The following ANO10 variants were observed in gnomAD, a reference collection of about 807,000 sequenced individuals.
ANO10 encodes anoctamin 10.
In ANO10, 77 loss-of-function variants were observed where a neutral mutation model predicts 74.7. That is an observed-to-expected ratio of 1.03 (90% CI 0.86 to 1.25). The LOEUF (loss-of-function observed/expected upper bound fraction) is 1.25, where lower values mean the gene tolerates loss of function less well. Among genes scored for constraint, ANO10 ranks in the 50% most tolerant of loss-of-function variants. The probability of loss-of-function intolerance (pLI) is 0.00; values close to 1 mark genes in which losing one functional copy is unlikely to be tolerated. For synonymous variants in ANO10, 279 were observed against 284.9 expected, an observed-to-expected ratio of 0.98 and a Z score of 0.21; for missense variants, 721 against 778.1, an observed-to-expected ratio of 0.93 and a Z score of 0.87.
intron 11 of ANO10, among the ~76,000 whole-genome samples, chr3:43,479,545 G>A (rs568063133): frequency 2.6e-5 from 4 of 152,258 alleles, no homozygotes; most frequent in African/African-American, 9.6e-5. Context: ...TTTTTGAAAG[G>A]AAGGAAAGGA....
At chr3:43,672,095 T>C (rs2084066204) in intron 1 of ANO10, among the ~76,000 whole-genome samples, 1 of 152,204 alleles carries the variant, frequency 6.6e-6, no homozygotes, top group African/African-American at 2.4e-5. Context: ...GCTGGGAATG[T>C]CTAATCCATT....
At chr3:43,658,369 A>G (rs879772270) in intron 1 of ANO10, among the ~76,000 whole-genome samples, 4 of 152,222 alleles carry the variant, frequency 2.6e-5, no homozygotes, top group Admixed American at 2.6e-4. Flanking sequence ...ATAATGGGAT[A>G]TTCTACAGCA....
intron 4 of ANO10, among the ~76,000 whole-genome samples, chr3:43,592,215 T>G (rs2081811950): frequency 6.6e-6 from 1 of 152,160 alleles, no homozygotes; most frequent in Non-Finnish European, 1.5e-5. Flanking sequence ...TCTGCAGACT[T>G]AAACGTCCCT....
At chr3:43,553,053 C>A (rs2079558391) in intron 10 of ANO10, among the ~76,000 whole-genome samples, 1 of 152,122 alleles carries the variant, frequency 6.6e-6, no homozygotes, top group South Asian at 2.1e-4. Context: ...CTCAGCCTCC[C>A]AAAGTGCTGG....
intron 11 of ANO10, among the ~76,000 whole-genome samples, chr3:43,442,413 A>T (rs2093174288): frequency 6.6e-6 from 1 of 152,170 alleles, no homozygotes; most frequent in African/African-American, 2.4e-5. Context: ...GGAAATTGAG[A>T]ACTCAATCAT....
At position 43,615,739 on chromosome 3, in the gene ANO10, C is replaced by T. The variant is rs551503250; in HGVS notation, c.-12+6170G>A. The stretch of plus-strand genomic sequence containing the variant: ...CGCAATCTCGGCTCACTGCAACCTC[C>T]GCCTCCTGGGTTCAAGCGATTCTCC... On this transcript the variant is annotated intron_variant, in intron 1 of 12. Transcript: ENST00000292246. Among the ~76,000 whole-genome samples the T allele has an allele frequency of 3.3e-5, 5 of 151,872 alleles. No individual in the cohort carries two copies. The East Asian group carries it at 7.8e-4, about 24-fold the overall frequency.
intron 11 of ANO10, chr3:43,485,592 C>T: frequency 4.6e-6 from 1 of 215,572 alleles, no homozygotes; most frequent in Non-Finnish European, 9.3e-6. Context: ...AGCAGCCCGC[C>T]ACCATCTTGG....
In ANO10 at chr3:43,593,396, C is replaced by CTA. The variant is rs1290160196; in HGVS notation, c.472+5134_472+5135dup. ...TACCCACAAAGGGAAGTCCATCAGA[C>CTA]TAACAGCAGATCTCTCAGCAGAAAC... On this transcript the variant is annotated intron_variant, in intron 4 of 12. Transcript: ENST00000292246. 2.6e-5 allele frequency among the ~76,000 whole-genome samples: 4 copies of CTA among 152,228 alleles called. No individual in the cohort carries two copies. The East Asian group carries it at 7.7e-4, about 29-fold the overall frequency.
intron 12 of ANO10, among the ~76,000 whole-genome samples, chr3:43,420,755 C>T (rs184930819): frequency 6.6e-6 from 1 of 152,232 alleles, no homozygotes; most frequent in Non-Finnish European, 1.5e-5. Flanking sequence ...TGAAAAAAGG[C>T]ACAAAGGGAT....
chr3:43,457,763 T>C (rs1432788039), intron 11 of ANO10, among the ~76,000 whole-genome samples: 1 of 152,190 alleles, frequency 6.6e-6, no homozygotes, highest in African/African-American at 2.4e-5. Flanking sequence ...CTTTCTAAAA[T>C]AAAATGAACT....
At chr3:43,616,581 C>G (rs11130006) in intron 1 of ANO10, among the ~76,000 whole-genome samples, 118,216 of 152,072 alleles carry the variant, frequency 0.78, 46,494 homozygotes, top group East Asian at 0.89. Flanking sequence ...TTTTTTAGTG[C>G]AAGCTGGTAA....
At chr3:43,442,392 C>A (rs188331148) in intron 11 of ANO10, among the ~76,000 whole-genome samples, 2 of 151,654 alleles carry the variant, frequency 1.3e-5, no homozygotes, top group African/African-American at 4.8e-5. Flanking sequence ...TAACAATGAA[C>A]AATTTGAAAA....
At chr3:43,561,470 T>C (rs1429869079) in intron 8 of ANO10, 68 bp from the exon 9 acceptor site, 1 of 1,355,672 alleles carries the variant, frequency 7.4e-7, no homozygotes, top group African/African-American at 1.5e-5. Flanking sequence ...TTGTATAAAT[T>C]ATATATAAAT....
chr3:43,592,187 C>A (rs1347285138), intron 4 of ANO10, among the ~76,000 whole-genome samples: 1 of 152,332 alleles, frequency 6.6e-6, no homozygotes, highest in African/African-American at 2.4e-5. Flanking sequence ...CATAGCTGAA[C>A]AAAAGGCAGC....
intron 11 of ANO10, among the ~76,000 whole-genome samples, chr3:43,530,791 T>C (rs1378577624): frequency 2.6e-5 from 4 of 152,208 alleles, no homozygotes; most frequent in Non-Finnish European, 4.4e-5. Context: ...GAAAAAACAG[T>C]GTATACAGGG....
intron 1 of ANO10, among the ~76,000 whole-genome samples, chr3:43,635,967 A>G (rs773589230): frequency 2.6e-4 from 40 of 152,116 alleles, no homozygotes; most frequent in Admixed American, 9.2e-4. Context: ...AGACGTTAGC[A>G]TTTTTATATG....
chr3:43,648,620 A>G (rs912809852), intron 1 of ANO10, among the ~76,000 whole-genome samples: 4 of 146,340 alleles, frequency 2.7e-5, no homozygotes, highest in Non-Finnish European at 6.0e-5. Flanking sequence ...GGTGAGGGTG[A>G]TCGATCGGAG....
chr3:43,371,988 G>C (rs2091629040), intron 12 of ANO10, among the ~76,000 whole-genome samples: 1 of 152,252 alleles, frequency 6.6e-6, no homozygotes, highest in South Asian at 2.1e-4. Context: ...GCAGTGAGTA[G>C]AGGGGCAGGA....
At position 43,555,288 on chromosome 3, in the gene ANO10, C is replaced by T. The variant is rs1476363008; in HGVS notation, c.1658G>A (p.Gly553Asp). Residue 553 changes from glycine to aspartate, a missense_variant, in exon 10 of 13, where the codon GGT (glycine) becomes GAT (aspartate). Physicochemically the swap from Gly to Asp is moderately conservative, Grantham distance 94. Transcript: ENST00000292246. The stretch of plus-strand genomic sequence containing the variant: ...TTCTCAAACAATTACCTGCCACACA[C>T]CAATATTGGCTGAAGGTTCTGAGAA... ...RPFSEPSANIGVWQLAFETMS... is the reference protein window; with the variant it reads ...RPFSEPSANIDVWQLAFETMS... The T allele has an allele frequency of 6.2e-7, 1 of 1,613,966 alleles. No individual in the cohort carries two copies. The highest frequency in any genetic ancestry group is 8.5e-7 in the Non-Finnish European group (1 of 1,179,966).
Sources: gnomAD v4.1 joint callset for allele counts (sites outside exome capture counted in the v4.1 genomes callset) on GRCh38, gnomAD v4.1.1 for gene constraint, MANE v1.5 for transcripts, NCBI Gene and HGNC (gene_info 2026-07-23, HGNC 2026-07-21) for gene names.